SLFNL1: variants seen among roughly 807,000 people sequenced by gnomAD.
SLFNL1 encodes the protein schlafen like 1.
A neutral mutation model predicts 32.5 loss-of-function variants in SLFNL1; 26 were observed. The observed-to-expected ratio is 0.80, with a 90% CI of 0.59 to 1.11. SLFNL1 has a LOEUF of 1.11. Ranked by LOEUF, SLFNL1 falls within the 50% of genes least tolerant of loss-of-function variation. The probability of loss-of-function intolerance (pLI) is 0.00; values close to 1 mark genes in which losing one functional copy is unlikely to be tolerated. For missense variants in SLFNL1, 553 were observed against 546.5 expected (o/e 1.01, Z -0.12); for synonymous variants, 255 against 242.2 (o/e 1.05, Z -0.49).
intron 3 of SLFNL1, 179 bp from the exon 4 acceptor site, chr1:41,018,335 A>C (rs1222441114): frequency 3.5e-6 from 2 of 578,036 alleles, no homozygotes; most frequent in Non-Finnish European, 5.7e-6. Flanking sequence ...CAGCCGAGGC[A>C]GGAAACCCTG....
At chr1:41,020,963 A>C (rs1643789665) in intron 1 of SLFNL1, 93 bp from the exon 2 acceptor site, 1 of 354,870 alleles carries the variant, frequency 2.8e-6, no homozygotes, top group South Asian at 5.3e-5. Flanking sequence ...AGGGACCAGA[A>C]CTCAGGTCTC....
chr1:41,020,334 G>T lies in SLFNL1; in HGVS notation c.327C>A (p.Pro109=), dbSNP rs895640506. 3.7e-6 allele frequency: 6 copies of T among 1,613,514 alleles called. No homozygotes were observed. The African/African-American group carries it at 8.0e-5, about 22-fold the overall frequency. ...TVHRDTLASL[P]WRLQTALEEH... ...CCTCCAGGGCCGTCTGCAGGCGCCAGGGGAGGGAGGCCAGGGTGTCCCTGT... is the reference window on the plus strand; with the variant it reads ...CCTCCAGGGCCGTCTGCAGGCGCCATGGGAGGGAGGCCAGGGTGTCCCTGT... Residue 109 remains proline, a synonymous_variant, in exon 3 of 6, where the codon CCC becomes CCA. Transcript: ENST00000302946.
Position 41,015,918 on chromosome 1 carries a change from T to C in SLFNL1, c.*188A>G, listed in dbSNP as rs2148428419. On this transcript the variant is annotated 3_prime_UTR_variant, in exon 6 of 6. Transcript: ENST00000302946. ...TGGGGACAGGGCTGAGAGCAGTTTC[T>C]TGGCTACACAGATGGGTCTGTCAGG... is the stretch of plus-strand genomic sequence containing the variant. 4.3e-6 allele frequency: 3 copies of C among 696,758 alleles called. No individual in the cohort carries two copies. In the East Asian group the frequency reaches 8.6e-5, roughly 20 times the overall value. The allele number at this position is 696,758 out of a possible 1,614,324, so 43.2% of individuals were successfully genotyped here.
rs1246568439 is a variant in SLFNL1, at chr1:41,017,124, A to G, written c.1101+110T>C. 1.3e-5 allele frequency: 17 copies of G among 1,348,002 alleles called. No homozygotes were observed. In the East Asian group the frequency reaches 4.1e-4, roughly 32 times the overall value. The allele number at this position is 1,348,002 out of a possible 1,614,324, so 83.5% of individuals were successfully genotyped here. A position where few individuals can be genotyped will look rare whatever the true frequency, so the allele number is the denominator to read the frequency against. On this transcript the variant is annotated intron_variant, in intron 5 of 5. Coordinates refer to ENST00000302946, the MANE Select transcript of SLFNL1 (RefSeq NM_144990.4). The surrounding 1 kb of genome is among the most constrained non-coding windows in gnomAD (Gnocchi z 4.9). ...CCAACCCCTTGGGTTCAACGGGGTG[A>G]TGCAGGACCCAGGGAACCATGGTGG...
intron 5 of SLFNL1, 52 bp from the exon 6 acceptor site, chr1:41,016,280 GTC>G: frequency 6.3e-7 from 1 of 1,588,632 alleles, no homozygotes; most frequent in Non-Finnish European, 8.6e-7. Flanking sequence ...TCTCGGGCCT[GTC>G]CGTCCTCCAC....
At chr1:41,018,635 C>T (rs1369254013) in intron 3 of SLFNL1, among the ~76,000 whole-genome samples, 1 of 152,104 alleles carries the variant, frequency 6.6e-6, no homozygotes, top group Non-Finnish European at 1.5e-5. Flanking sequence ...TTGCCCACTA[C>T]TTGCTGGGCT....
intron 3 of SLFNL1, among the ~76,000 whole-genome samples, chr1:41,019,936 T>C (rs919474676): frequency 1.3e-5 from 2 of 152,082 alleles, no homozygotes; most frequent in African/African-American, 4.8e-5. Context: ...TCTTCTAGGG[T>C]CTCCCAGGCC....
Position 41,017,023 on chromosome 1 carries a change from A to G in SLFNL1, c.1101+211T>C. 1.9e-6 allele frequency: 1 copy of G among 537,854 alleles called. No individual in the cohort carries two copies. Among genetic ancestry groups the G allele is most frequent in the Non-Finnish European group, 3.1e-6 (1 of 320,864 alleles). 33.3% of individuals were successfully genotyped at this position (537,854 alleles called of 1,614,324 possible). A position where few individuals can be genotyped will look rare whatever the true frequency, so the allele number is the denominator to read the frequency against. ...GCGCCTGGCCACTGCATAGATTTTT[A>G]AAAGGAGAGAGCTTGGGCCTCTTCC... On this transcript the variant is annotated intron_variant, in intron 5 of 5. Coordinates refer to ENST00000302946, the MANE Select transcript of SLFNL1 (RefSeq NM_144990.4). The surrounding 1 kb of genome is among the most constrained non-coding windows in gnomAD (Gnocchi z 4.9).
rs182933235 is a variant in SLFNL1, at chr1:41,017,854, G to A, written c.738C>T (p.Tyr246=). Residue 246 remains tyrosine (Y), a synonymous_variant, in exon 4 of 6, where the codon TAC becomes TAT. Coordinates refer to ENST00000302946, the MANE Select transcript of SLFNL1 (RefSeq NM_144990.4). The surrounding 1 kb of genome is among the most constrained non-coding windows in gnomAD (Gnocchi z 4.9). ...SLAFKHHVRR[Y]VCAFLNSEGG... ...CCTCGCTGTTGAGGAAGGCGCACAC[G>A]TAGCGCCGCACGTGGTGCTTGAAGG... is the stretch of plus-strand genomic sequence containing the variant. The A allele has an allele frequency of 6.4e-5, 102 of 1,603,908 alleles. No homozygotes were observed. The highest frequency in any genetic ancestry group is 1.3e-4 in the Admixed American group (8 of 59,710).
chr1:41,020,753 A>T lies in SLFNL1; in HGVS notation c.-93T>A. Reference sequence around the variant, plus strand: ...TTCTCAGTGTGGCTTAAGGGCTCCCAGAGGACTCAGGGAGTGTCCCGGCTC... The same window carrying T: ...TTCTCAGTGTGGCTTAAGGGCTCCCTGAGGACTCAGGGAGTGTCCCGGCTC... On this transcript the variant is annotated 5_prime_UTR_variant, in exon 3 of 6. Coordinates refer to ENST00000302946, the MANE Select transcript of SLFNL1 (RefSeq NM_144990.4). 1.7e-6 allele frequency: 2 copies of T among 1,200,940 alleles called. No individual in the cohort carries two copies. Among genetic ancestry groups the T allele is most frequent in the Non-Finnish European group, 2.3e-6 (2 of 855,316 alleles). 74.4% of individuals were successfully genotyped at this position (1,200,940 alleles called of 1,614,324 possible).
At chr1:41,020,110 A>T in intron 3 of SLFNL1, 116 bp downstream of exon 3, 2 of 1,115,274 alleles carry the variant, frequency 1.8e-6, no homozygotes, top group Non-Finnish European at 2.5e-6. Context: ...AAGTTTGCAG[A>T]TTTGTCCCTG....
chr1:41,017,505 C>A lies in SLFNL1; in HGVS notation c.958-128G>T. 6.7e-7 allele frequency: 1 copy of A among 1,491,546 alleles called. No individual in the cohort carries two copies. Among genetic ancestry groups the A allele is most frequent in the Non-Finnish European group, 8.9e-7 (1 of 1,119,090 alleles). The allele number at this position is 1,491,546 out of a possible 1,614,324, so 92.4% of individuals were successfully genotyped here. A position where few individuals can be genotyped will look rare whatever the true frequency, so the allele number is the denominator to read the frequency against. ...CCAGCAGGGCTGGCACAGGGGCCAT[C>A]CCCAGCCTCTTCTCCTGTGGCCCCC... On this transcript the variant is annotated intron_variant, in intron 4 of 5. Coordinates refer to ENST00000302946, the MANE Select transcript of SLFNL1 (RefSeq NM_144990.4). The surrounding 1 kb of genome is among the most constrained non-coding windows in gnomAD (Gnocchi z 4.9).
chr1:41,018,318 C>T, intron 3 of SLFNL1, 162 bp from the exon 4 acceptor site: 1 of 639,968 alleles, frequency 1.6e-6, no homozygotes, highest in Non-Finnish European at 2.4e-6. Context: ...TTCTGCCCAC[C>T]CTCCTGCAGC....
chr1:41,018,834 T>TG (rs1643581825), intron 3 of SLFNL1, among the ~76,000 whole-genome samples: 1 of 134,064 alleles, frequency 7.5e-6, no homozygotes, highest in African/African-American at 2.8e-5. Flanking sequence ...TCCTGTTTTT[T>TG]TTTTTTTTTT....
Position 41,017,625 on chromosome 1 carries a change from G to A in SLFNL1, c.957+10C>T, listed in dbSNP as rs375640131. ...ACAGGCCCAGAGGCCCTCCTGTCCT[G>A]CAGGCTCACCTTGAGGGGGACGCTG... On this transcript the variant is annotated intron_variant, in intron 4 of 5. Coordinates refer to ENST00000302946, the MANE Select transcript of SLFNL1 (RefSeq NM_144990.4). This position sits in a 1 kb window ranked among gnomAD's most constrained non-coding sequence, Gnocchi z 4.9. The A allele has an allele frequency of 1.3e-4, 201 of 1,519,020 alleles. No homozygotes were observed. Among genetic ancestry groups the A allele is most frequent in the Non-Finnish European group, 1.7e-4 (196 of 1,132,394 alleles). The allele number at this position is 1,519,020 out of a possible 1,614,324, so 94.1% of individuals were successfully genotyped here.
In SLFNL1 at chr1:41,020,574, G is replaced by T. The variant is rs549710394; in HGVS notation, c.87C>A (p.Pro29=). Residue 29 remains proline (P), a synonymous_variant, in exon 3 of 6, where the codon CCC becomes CCA. Transcript: ENST00000302946. ...SWGEESLPEL[P]AEQSLTEYSD... is the part of the protein sequence containing the mutation. ...AGTACTCCGTCAGGGACTGCTCTGCGGGTAGCTCCGGCAGGGACTCCTCAC... is the reference window on the plus strand; with the variant it reads ...AGTACTCCGTCAGGGACTGCTCTGCTGGTAGCTCCGGCAGGGACTCCTCAC... 1.2e-6 allele frequency: 2 copies of T among 1,613,346 alleles called. No individual in the cohort carries two copies. The highest frequency in any genetic ancestry group is 1.3e-5 in the African/African-American group (1 of 74,928).
intron 5 of SLFNL1, chr1:41,016,540 C>T: frequency 3.1e-6 from 1 of 324,814 alleles, no homozygotes; most frequent in Non-Finnish European, 5.7e-6. Context: ...CTGTGTCTTG[C>T]CCCCTCTGCC....
In SLFNL1 at chr1:41,015,869, ATTCT is replaced by A. The variant is rs1208149783; in HGVS notation, c.*233_*236del. On this transcript the variant is annotated 3_prime_UTR_variant, in exon 6 of 6. Transcript: ENST00000302946. ...GGGAGCTCTGGGCAGGGTTTTACAC[ATTCT>A]TTCTGAAAGTAAGGTCATTTGGGGA... is the stretch of plus-strand genomic sequence containing the variant. 17 of 467,670 alleles carry A rather than the reference ATTCT, an allele frequency of 3.6e-5. No homozygotes were observed. Among genetic ancestry groups the A allele is most frequent in the Non-Finnish European group, 6.0e-5 (16 of 266,358 alleles). 29.0% of individuals were successfully genotyped at this position (467,670 alleles called of 1,614,324 possible).
In SLFNL1 at chr1:41,017,334, G is replaced by C. The variant is rs367658059; in HGVS notation, c.1001C>G (p.Pro334Arg). The change falls in exon 5 of 6, where the codon CCG becomes CGG. Residue 334 changes from proline (P) to arginine (R), a missense_variant. Transcript: ENST00000302946. The surrounding 1 kb of genome is among the most constrained non-coding windows in gnomAD (Gnocchi z 4.9). ...TVHTPKAQSQ[P>R]QLYQTDQGEV... ...CCCCTGGTCTGTCTGGTAGAGTTGC[G>C]GCTGGCTCTGGGCCTTGGGGGTGTG... The C allele has an allele frequency of 6.2e-7, 1 of 1,613,822 alleles. No individual in the cohort carries two copies.
Sources: allele counts gnomAD v4.1 joint callset (sites outside exome capture counted in the v4.1 genomes callset), GRCh38; gene constraint gnomAD v4.1.1; non-coding constraint Gnocchi (gnomAD v3.1); transcripts MANE v1.5; gene names NCBI Gene and HGNC (gene_info 2026-07-23, HGNC 2026-07-21).